Variants in TENM3 observed in about 807,000 individuals in gnomAD.
TENM3 encodes the protein teneurin transmembrane protein 3, also known as teneurin-3.
In TENM3, 63 loss-of-function variants were observed where a neutral mutation model predicts 255.1. The ratio of observed to expected loss-of-function variants is 0.25; its 90% CI spans 0.20 to 0.30. The LOEUF is 0.30. TENM3 is among the 10% of genes least tolerant of loss of function. TENM3 has a pLI of 1.00. For missense variants in TENM3, 2,929 were observed against 3,461.1 expected, an observed-to-expected ratio of 0.85 and a Z score of 3.86; for synonymous variants, 1,306 against 1,322.3, an observed-to-expected ratio of 0.99 and a Z score of 0.27.
intron 12 of TENM3, among the ~76,000 whole-genome samples, chr4:182,704,698 A>G (rs1758138538): frequency 1.3e-5 from 2 of 152,204 alleles, no homozygotes; most frequent in Admixed American, 6.5e-5. Context: ...TCCAAACTGT[A>G]AAAAGAATAA....
At chr4:181,797,311 CATAATGGTGA>C in the TENM3 span, among the ~76,000 whole-genome samples, 1 of 152,088 alleles carries the variant, frequency 6.6e-6, no homozygotes, top group African/African-American at 2.4e-5. Flanking sequence ...AGGGCCAATA[CATAATGGTGA>C]AAGGGACACC....
intron 1 of TENM3, among the ~76,000 whole-genome samples, chr4:182,302,255 C>G (rs1442237460): frequency 6.6e-6 from 1 of 152,150 alleles, no homozygotes; most frequent in Non-Finnish European, 1.5e-5. Context: ...GATGTAAGTA[C>G]TCTTTCCACC....
In TENM3 at chr4:182,751,904, C is replaced by A. The variant is rs570425994; in HGVS notation, c.3734C>A (p.Thr1245Lys). 1 of 1,613,696 alleles carries A rather than the reference C, an allele frequency of 6.2e-7. No individual in the cohort carries two copies. Among genetic ancestry groups the A allele is most frequent in the East Asian group, 2.2e-5 (1 of 44,864 alleles). The part of the protein sequence containing the change: ...TRRIYRPKSL[T>K]GAKDLTKNAE... ...AGAATTTATCGCCCAAAGTCACTTA[C>A]GGGGGCAAAAGACTTGACTAAAAAT... is the stretch of plus-strand genomic sequence containing the variant. The change falls in exon 20 of 28, where the codon ACG becomes AAG. Residue 1245 changes from threonine (T) to lysine (K), a missense_variant. By Grantham distance (78) the Thr-to-Lys change is moderately conservative. Coordinates refer to ENST00000511685, the MANE Select transcript of TENM3 (RefSeq NM_001080477.4).
intron 11 of TENM3, among the ~76,000 whole-genome samples, chr4:182,684,753 G>C (rs1756446841): frequency 6.6e-6 from 1 of 152,302 alleles, no homozygotes; most frequent in South Asian, 2.1e-4. Flanking sequence ...ATTCAGAGGA[G>C]CTTCCACATT....
chr4:182,504,926 T>TTA (rs1463903733), intron 3 of TENM3, among the ~76,000 whole-genome samples: 1 of 152,200 alleles, frequency 6.6e-6, no homozygotes, highest in Non-Finnish European at 1.5e-5. Flanking sequence ...TATCATGATG[T>TTA]TATATATTCT....
rs1701033282 is a variant in TENM3 at position 182,792,342 on chromosome 4, T to G, written c.5670T>G (p.Ser1890=). 1 of 1,614,052 alleles carries G rather than the reference T, an allele frequency of 6.2e-7. No individual in the cohort carries two copies. Among genetic ancestry groups the G allele is most frequent in the Non-Finnish European group, 8.5e-7 (1 of 1,179,898 alleles). Residue 1890 remains serine, a synonymous_variant, in exon 26 of 28, where the codon TCT becomes TCG. Transcript: ENST00000511685. This position sits in a 1 kb window ranked among gnomAD's most constrained non-coding sequence, Gnocchi z 6.3. ...IFEYDMWDRL[S]AITMPSVARH... is the part of the protein sequence containing the mutation. ...AATACGATATGTGGGACCGCCTGTC[T>G]GCCATCACCATGCCCAGTGTGGCTC...
At chr4:182,506,489 C>T (rs942993528) in intron 3 of TENM3, among the ~76,000 whole-genome samples, 10 of 152,252 alleles carry the variant, frequency 6.6e-5, no homozygotes, top group African/African-American at 2.4e-4. Flanking sequence ...AAGTGTCTTG[C>T]TCTTTCTCTC....
chr4:182,051,365 T>A, the TENM3 span, among the ~76,000 whole-genome samples: 2 of 137,344 alleles, frequency 1.5e-5, no homozygotes, highest in African/African-American at 5.2e-5. Flanking sequence ...GCAAATGAAG[T>A]TATTTTTCCT....
chr4:181,837,035 C>A, the TENM3 span, among the ~76,000 whole-genome samples: 1 of 152,094 alleles, frequency 6.6e-6, no homozygotes, highest in East Asian at 1.9e-4. Flanking sequence ...TTAAATTTAT[C>A]TTCTGTTCAG....
intron 6 of TENM3, among the ~76,000 whole-genome samples, chr4:182,663,542 A>G (rs2152534656): frequency 6.6e-6 from 1 of 152,330 alleles, no homozygotes; most frequent in South Asian, 2.1e-4. Flanking sequence ...TCTGAAATGA[A>G]TGGGAACTTT....
chr4:181,934,077 C>T, the TENM3 span, among the ~76,000 whole-genome samples: 5 of 125,328 alleles, frequency 4.0e-5, no homozygotes, highest in East Asian at 4.3e-4. Flanking sequence ...TGTGTGTGTG[C>T]GCGCGCTTTT....
intron 1 of TENM3, among the ~76,000 whole-genome samples, chr4:182,281,995 C>T (rs1358659018): frequency 6.6e-6 from 1 of 152,188 alleles, no homozygotes; most frequent in African/African-American, 2.4e-5. Context: ...CTCGGCCTCC[C>T]AATGTGCTGA....
chr4:182,258,690 A>G (rs1758589423), intron 1 of TENM3, among the ~76,000 whole-genome samples: 1 of 152,192 alleles, frequency 6.6e-6, no homozygotes. Context: ...CCACAATGTA[A>G]AAAGCAAATC....
At chr4:182,319,283 C>T (rs535501432) in intron 1 of TENM3, among the ~76,000 whole-genome samples, 27 of 152,198 alleles carry the variant, frequency 1.8e-4, no homozygotes, top group Non-Finnish European at 3.4e-4. Flanking sequence ...ACTTAAGCTG[C>T]ATTTCTTAAC....
intron 1 of TENM3, among the ~76,000 whole-genome samples, chr4:182,217,607 AT>A (rs1357170446): frequency 1.3e-5 from 2 of 152,128 alleles, no homozygotes; most frequent in Non-Finnish European, 2.9e-5. Flanking sequence ...GATGGGTAAC[AT>A]TATACCCATT....
At chr4:181,597,212 A>G in the TENM3 span, among the ~76,000 whole-genome samples, 4 of 152,342 alleles carry the variant, frequency 2.6e-5, no homozygotes, top group Non-Finnish European at 5.9e-5. Flanking sequence ...TTCTTAAACA[A>G]TGAGTATTTA....
At chr4:181,815,475 A>AAAAAAAAAAAG in the TENM3 span, among the ~76,000 whole-genome samples, 1 of 151,732 alleles carries the variant, frequency 6.6e-6, no homozygotes, top group African/African-American at 2.4e-5. Flanking sequence ...AAAAAAAAAA[A>AAAAAAAAAAAG]AAAAGGTGTA....
the TENM3 span, among the ~76,000 whole-genome samples, chr4:181,958,723 C>T: frequency 6.6e-6 from 1 of 152,136 alleles, no homozygotes; most frequent in African/African-American, 2.4e-5. Flanking sequence ...GAAAACTTCA[C>T]ATACACAGTA....
chr4:182,772,638 A>G (rs1764338679), intron 22 of TENM3: 2 of 152,162 alleles, frequency 1.3e-5, no homozygotes, highest in South Asian at 2.1e-4. Flanking sequence ...CAAAAATTCA[A>G]TTCTTCAGTC....
Sources: gnomAD v4.1 joint callset for allele counts (sites outside exome capture counted in the v4.1 genomes callset) on GRCh38, gnomAD v4.1.1 for gene constraint, Gnocchi (gnomAD v3.1) non-coding constraint, MANE v1.5 for transcripts, NCBI Gene and HGNC (gene_info 2026-07-23, HGNC 2026-07-21) for gene names.